Variants in AFF1 observed in about 807,000 individuals in gnomAD.
AFF1 encodes the protein AF4/FMR2 family member 1.
A neutral mutation model predicts 121.7 loss-of-function variants in AFF1; 48 were observed. The ratio of observed to expected loss-of-function variants is 0.39; its 90% CI spans 0.31 to 0.50. AFF1 has a LOEUF of 0.50. AFF1 is among the 20% of genes least tolerant of loss of function. The pLI, the probability that AFF1 is intolerant of heterozygous loss-of-function variation, is 0.76. For missense variants in AFF1, 1,523 were observed against 1,511.7 expected (o/e 1.01, Z -0.12); for synonymous variants, 613 against 563.0 (o/e 1.09, Z -1.26).
chr4:87,035,166 G>T (rs1217005439), intron 2 of AFF1, among the ~76,000 whole-genome samples: 1 of 152,164 alleles, frequency 6.6e-6, no homozygotes, highest in Non-Finnish European at 1.5e-5. Flanking sequence ...GCTTCCCAGA[G>T]CCTCCCTGCT....
At chr4:86,976,457 A>T (rs1484691359) in intron 2 of AFF1, among the ~76,000 whole-genome samples, 1 of 152,162 alleles carries the variant, frequency 6.6e-6, no homozygotes, top group African/African-American at 2.4e-5. Context: ...GAATGAGATC[A>T]TGTCCTTTGC....
chr4:87,085,452 A>G (rs913205012), intron 5 of AFF1, among the ~76,000 whole-genome samples: 1 of 143,308 alleles, frequency 7.0e-6, no homozygotes, highest in Non-Finnish European at 1.5e-5. Flanking sequence ...TTTTTTTTTT[A>G]ATTAGTAGAG....
intron 2 of AFF1, among the ~76,000 whole-genome samples, chr4:86,984,019 A>G: frequency 6.6e-6 from 1 of 152,154 alleles, no homozygotes; most frequent in East Asian, 1.9e-4. Context: ...CCTGGGTGAC[A>G]GAGCGAGACT....
chr4:87,000,605 C>CTCTGTGTGTGTG (rs1553915150), intron 2 of AFF1, among the ~76,000 whole-genome samples: 1 of 146,372 alleles, frequency 6.8e-6, no homozygotes, highest in Non-Finnish European at 1.5e-5. Flanking sequence ...AAAATAAACT[C>CTCTGTGTGTGTG]TGTGTGTGTG....
intron 2 of AFF1, among the ~76,000 whole-genome samples, chr4:86,955,484 C>T (rs2149460526): frequency 6.6e-6 from 1 of 152,242 alleles, no homozygotes; most frequent in East Asian, 1.9e-4. Context: ...TCTTTTGTAT[C>T]AACTGCTTGA....
Position 87,047,200 on chromosome 4 carries a change from A to G in AFF1, c.665A>G (p.His222Arg), listed in dbSNP as rs1198158522. 6.2e-6 allele frequency: 10 copies of G among 1,613,976 alleles called. No homozygotes were observed. Among genetic ancestry groups the G allele is most frequent in the Non-Finnish European group, 8.5e-6 (10 of 1,180,032 alleles). The change falls in exon 4 of 21, where the codon CAT becomes CGT. Residue 222 changes from histidine to arginine, a missense_variant. His to Arg is a conservative substitution (Grantham distance 29, BLOSUM62 0). Around this residue, in one of 5 missense-constraint regions of AFF1, gnomAD observed 369 missense variants for 367.2 expected, o/e 1.00. Coordinates refer to ENST00000395146, the MANE Select transcript of AFF1 (RefSeq NM_001166693.3). ...PSPVPPLSPI[H>R]SNQQTLPRTQ... ...CCAGTTCCCCCTTTGTCACCTATAC[A>G]TTCCAACCAGCAAACTCTTCCCCGG...
rs73837598 is a variant in AFF1, at chr4:87,071,930, G to T, written c.1060-12190G>T. 7.8e-3 allele frequency among the ~76,000 whole-genome samples: 1,191 copies of T among 152,194 alleles called. 12 individuals carry two copies. The highest frequency in any genetic ancestry group is 0.027 in the African/African-American group (1,133 of 41,526). ...AAACACTGAAAAGATTGGAGTTTCG[G>T]GTCAGGAGCTCTGGATTAAAGGCCA... On this transcript the variant is annotated intron_variant, in intron 4 of 20. Transcript: ENST00000395146.
intron 2 of AFF1, among the ~76,000 whole-genome samples, chr4:86,997,761 CA>C (rs11368694): frequency 8.3e-4 from 109 of 131,748 alleles, no homozygotes; most frequent in Admixed American, 1.2e-3. Context: ...GACTCCATCT[CA>C]AAAAAAAAAA....
intron 16 of AFF1, among the ~76,000 whole-genome samples, chr4:87,130,732 A>C (rs897290907): frequency 6.6e-6 from 1 of 152,196 alleles, no homozygotes; most frequent in East Asian, 1.9e-4. Flanking sequence ...TACTCCAGAC[A>C]TGTGGAATAA....
chr4:87,027,008 C>T (rs112729759), intron 2 of AFF1, among the ~76,000 whole-genome samples: 4 of 152,090 alleles, frequency 2.6e-5, no homozygotes, highest in African/African-American at 7.2e-5. Flanking sequence ...TAAATCAGTA[C>T]AGGAAGAAAT....
chr4:86,944,048 G>T (rs1038590410), intron 1 of AFF1, among the ~76,000 whole-genome samples: 1 of 151,614 alleles, frequency 6.6e-6, no homozygotes, highest in East Asian at 1.9e-4. Context: ...GAAGGCTGAG[G>T]TGGGAGGTTT....
chr4:86,979,318 G>A (rs534589562), intron 2 of AFF1, among the ~76,000 whole-genome samples: 2 of 152,072 alleles, frequency 1.3e-5, no homozygotes, highest in East Asian at 1.9e-4. Context: ...GGCTGGTCTC[G>A]AACTCCTTGA....
At chr4:87,012,798 C>T (rs984649235) in intron 2 of AFF1, among the ~76,000 whole-genome samples, 1 of 152,056 alleles carries the variant, frequency 6.6e-6, no homozygotes, top group Non-Finnish European at 1.5e-5. Context: ...AACTTTAAAA[C>T]CATGCAAATT....
At chr4:87,073,413 C>A (rs947979087) in intron 4 of AFF1, among the ~76,000 whole-genome samples, 1 of 151,600 alleles carries the variant, frequency 6.6e-6, no homozygotes, top group Admixed American at 6.6e-5. Context: ...TGTCAGTAAT[C>A]CCCAGGGTGT....
chr4:87,082,816 A>T (rs975695616), intron 4 of AFF1, among the ~76,000 whole-genome samples: 4 of 152,206 alleles, frequency 2.6e-5, no homozygotes, highest in African/African-American at 9.7e-5. Flanking sequence ...CATGGAGTGA[A>T]TTGGAATGAG....
At position 87,114,678 on chromosome 4, in the gene AFF1, TGTC is replaced by T; in HGVS notation, c.1846_1848del (p.Val616del). 1 of 1,572,804 alleles carries T rather than the reference TGTC, an allele frequency of 6.4e-7. No homozygotes were observed. The highest frequency in any genetic ancestry group is 8.6e-7 in the Non-Finnish European group (1 of 1,159,822). Reference sequence around the variant, plus strand: ...TTGGAACCAAACAACCCAAAAAACCTGTCAAGGCCTCTGCCCGGGCAGGTTCAC... The same window carrying T: ...TTGGAACCAAACAACCCAAAAAACCTAAGGCCTCTGCCCGGGCAGGTTCAC... On this transcript the variant is annotated inframe_deletion, in exon 12 of 21. Coordinates refer to ENST00000395146, the MANE Select transcript of AFF1 (RefSeq NM_001166693.3).
In AFF1 at chr4:87,126,041, C is replaced by T. The variant is rs146177255; in HGVS notation, c.2574-58C>T. On this transcript the variant is annotated intron_variant, in intron 13 of 20. Coordinates refer to ENST00000395146, the MANE Select transcript of AFF1 (RefSeq NM_001166693.3). ...CAGCAGCCAGTTTGTAACTAAACAA[C>T]GAAGCCGCTTGATGTGTACTTTGCC... is the stretch of plus-strand genomic sequence containing the variant. The T allele has an allele frequency of 5.7e-5, 88 of 1,533,342 alleles. No individual in the cohort carries two copies. The East Asian group carries it at 1.5e-3, about 26-fold the overall frequency. 95.0% of individuals were successfully genotyped at this position (1,533,342 alleles called of 1,614,324 possible).
At chr4:87,037,021 A>C (rs779227465) in intron 2 of AFF1, among the ~76,000 whole-genome samples, 1 of 152,134 alleles carries the variant, frequency 6.6e-6, no homozygotes, top group African/African-American at 2.4e-5. Flanking sequence ...CTTTACGCAG[A>C]TGGATCTAAA....
At chr4:86,936,078 T>A (rs1369882397) in intron 1 of AFF1, 3 of 152,156 alleles carry the variant, frequency 2.0e-5, no homozygotes, top group Non-Finnish European at 4.4e-5. Context: ...CCGGAGCTTC[T>A]CCACCACCAG....
Sources: gnomAD v4.1 joint callset for allele counts (sites outside exome capture counted in the v4.1 genomes callset) on GRCh38, gnomAD v4.1.1 for gene constraint, gnomAD v4.1.1 regional missense constraint, MANE v1.5 for transcripts, NCBI Gene and HGNC (gene_info 2026-07-23, HGNC 2026-07-21) for gene names.